The following CTNND2 variants were observed in gnomAD, a reference collection of about 807,000 sequenced individuals.
CTNND2 encodes catenin delta 2.
CTNND2 carries 22 observed loss-of-function variants against 144.4 expected under a neutral mutation model. That is an observed-to-expected ratio of 0.15 (90% confidence interval 0.11 to 0.22). CTNND2 has a LOEUF of 0.22. Among genes scored for constraint, CTNND2 ranks in the 10% least tolerant of loss-of-function variants. CTNND2 has a pLI of 1.00. For synonymous variants in CTNND2, 751 were observed against 695.6 expected, an observed-to-expected ratio of 1.08 and a Z score of -1.25; for missense variants, 1,353 against 1,618.8, an observed-to-expected ratio of 0.84 and a Z score of 2.82.
At chr5:11,863,069 T>C (rs1271553916) in intron 1 of CTNND2, among the ~76,000 whole-genome samples, 1 of 152,202 alleles carries the variant, frequency 6.6e-6, no homozygotes, top group African/African-American at 2.4e-5. Context: ...TACATCTATT[T>C]TCTCGTATTT....
intron 11 of CTNND2, among the ~76,000 whole-genome samples, chr5:11,163,220 G>A (rs1253416532): frequency 6.6e-6 from 1 of 152,112 alleles, no homozygotes; most frequent in Non-Finnish European, 1.5e-5. Flanking sequence ...AGGCTTTGTG[G>A]CTCCCTCCAA....
At chr5:11,104,891 G>C (rs1185918840) in intron 14 of CTNND2, among the ~76,000 whole-genome samples, 1 of 152,192 alleles carries the variant, frequency 6.6e-6, no homozygotes, top group Admixed American at 6.5e-5. Context: ...TGAACAAAGC[G>C]TTAGGGCAAA....
chr5:11,270,293 A>G (rs1379891313), intron 9 of CTNND2, among the ~76,000 whole-genome samples: 1 of 152,134 alleles, frequency 6.6e-6, no homozygotes, highest in African/African-American at 2.4e-5. Flanking sequence ...ATAGTTATAT[A>G]GTTATATAGT....
At chr5:11,152,116 C>T (rs1446109096) in intron 12 of CTNND2, among the ~76,000 whole-genome samples, 1 of 152,034 alleles carries the variant, frequency 6.6e-6, no homozygotes, top group Admixed American at 6.6e-5. Context: ...GTGGATCAGC[C>T]ACGGAGATAC....
At chr5:11,272,507 A>T (rs1307574807) in intron 9 of CTNND2, among the ~76,000 whole-genome samples, 3 of 152,206 alleles carry the variant, frequency 2.0e-5, no homozygotes, top group Non-Finnish European at 4.4e-5. Context: ...CTTTCCTAAA[A>T]TGCCAAACAA....
In CTNND2 at chr5:10,973,297, A is replaced by AAAAT; in HGVS notation, c.*152_*155dup. On this transcript the variant is annotated 3_prime_UTR_variant, in exon 22 of 22. Transcript: ENST00000304623. The surrounding 1 kb of genome is among the most constrained non-coding windows in gnomAD (Gnocchi z 5.6). ...TAACTTGCGATTCATTTAGCTTTCT[A>AAAAT]AAATAGCTCTTAATATTTCCTTACT... 1 of 771,036 alleles carries AAAAT rather than the reference A, an allele frequency of 1.3e-6. No individual in the cohort carries two copies. Among genetic ancestry groups the AAAAT allele is most frequent in the East Asian group, 3.0e-5 (1 of 33,650 alleles). The allele number at this position is 771,036 out of a possible 1,614,324, so 47.8% of individuals were successfully genotyped here.
chr5:11,368,240 G>T (rs1388191800), intron 7 of CTNND2, among the ~76,000 whole-genome samples: 1 of 152,202 alleles, frequency 6.6e-6, no homozygotes, highest in Non-Finnish European at 1.5e-5. Flanking sequence ...CTTTCAAGCT[G>T]ATCTAGGACT....
intron 9 of CTNND2, among the ~76,000 whole-genome samples, chr5:11,291,260 T>C (rs1561162529): frequency 6.6e-6 from 1 of 152,186 alleles, no homozygotes; most frequent in African/African-American, 2.4e-5. Context: ...CTTTTCTTTT[T>C]TTTCAATAAT....
chr5:11,282,332 C>T (rs1468656492), intron 9 of CTNND2, among the ~76,000 whole-genome samples: 1 of 152,148 alleles, frequency 6.6e-6, no homozygotes, highest in Non-Finnish European at 1.5e-5. Context: ...TTTAAGTGCC[C>T]AGAGAAGATG....
At chr5:11,208,117 A>G (rs1360447680) in intron 10 of CTNND2, among the ~76,000 whole-genome samples, 2 of 152,216 alleles carry the variant, frequency 1.3e-5, no homozygotes, top group African/African-American at 4.8e-5. Context: ...GAAAAGCAAC[A>G]TGGTATAGAA....
chr5:11,298,825 C>T (rs1331094565), intron 9 of CTNND2, among the ~76,000 whole-genome samples: 1 of 152,118 alleles, frequency 6.6e-6, no homozygotes, highest in Admixed American at 6.6e-5. Flanking sequence ...TCGGTTTGCC[C>T]CAGTTTCCTT....
intron 9 of CTNND2, among the ~76,000 whole-genome samples, chr5:11,331,269 C>A (rs1028059698): frequency 3.3e-5 from 5 of 152,028 alleles, no homozygotes; most frequent in Non-Finnish European, 7.4e-5. Flanking sequence ...TATCTGCTTT[C>A]TTTGTGTTGG....
At chr5:11,304,778 G>A (rs1156442253) in intron 9 of CTNND2, among the ~76,000 whole-genome samples, 1 of 152,190 alleles carries the variant, frequency 6.6e-6, no homozygotes, top group African/African-American at 2.4e-5. Context: ...TGTGCTCAGA[G>A]TTCAGTCAGC....
At chr5:11,285,011 G>A (rs1359030592) in intron 9 of CTNND2, among the ~76,000 whole-genome samples, 1 of 152,206 alleles carries the variant, frequency 6.6e-6, no homozygotes, top group Non-Finnish European at 1.5e-5. Flanking sequence ...TTCTCAATGA[G>A]AGCTCAATCT....
intron 8 of CTNND2, among the ~76,000 whole-genome samples, chr5:11,356,618 C>T (rs1755906649): frequency 6.6e-6 from 1 of 151,952 alleles, no homozygotes; most frequent in African/African-American, 2.4e-5. Context: ...AGGTAAAATG[C>T]TTCACAATAT....
At chr5:11,652,013 G>GT (rs1226261460) in intron 2 of CTNND2, among the ~76,000 whole-genome samples, 1 of 152,144 alleles carries the variant, frequency 6.6e-6, no homozygotes, top group African/African-American at 2.4e-5. Flanking sequence ...AGGGATGATT[G>GT]TATTTTGCAA....
chr5:11,518,165 A>G lies in CTNND2; in HGVS notation c.287+46779T>C, dbSNP rs563218876. 2.6e-5 allele frequency among the ~76,000 whole-genome samples: 4 copies of G among 152,300 alleles called. No individual in the cohort carries two copies. The South Asian group carries it at 8.3e-4, about 32-fold the overall frequency. On this transcript the variant is annotated intron_variant, in intron 3 of 21. Transcript: ENST00000304623. ...ATTGTAATGAAGCTGAAAATGTCCT[A>G]TTGCCTAGTGATATCATCTTGTTGA...
At chr5:11,105,199 A>G (rs1007781852) in intron 14 of CTNND2, among the ~76,000 whole-genome samples, 4 of 152,248 alleles carry the variant, frequency 2.6e-5, no homozygotes, top group Non-Finnish European at 4.4e-5. Context: ...AACCTGGGAC[A>G]TGGCCGTCCC....
intron 5 of CTNND2, among the ~76,000 whole-genome samples, chr5:11,399,785 A>G (rs1381580486): frequency 6.6e-6 from 1 of 152,240 alleles, no homozygotes; most frequent in Non-Finnish European, 1.5e-5. Flanking sequence ...TGCAACAATG[A>G]GCAATGTATC....
Sources: gnomAD v4.1 joint callset for allele counts (sites outside exome capture counted in the v4.1 genomes callset) on GRCh38, gnomAD v4.1.1 for gene constraint, Gnocchi (gnomAD v3.1) non-coding constraint, MANE v1.5 for transcripts, NCBI Gene and HGNC (gene_info 2026-07-23, HGNC 2026-07-21) for gene names.